Variants in CLTCL1 observed in about 807,000 individuals in gnomAD.
CLTCL1 encodes clathrin heavy chain like 1.
CLTCL1 carries 159 observed loss-of-function variants against 190.0 expected under a neutral mutation model. The observed-to-expected ratio is 0.84, with a 90% CI of 0.74 to 0.95. The LOEUF is 0.95. CLTCL1 is among the 40% of genes least tolerant of loss of function. CLTCL1 has a pLI of 0.00. For missense variants in CLTCL1, 1,878 were observed against 2,033.4 expected (o/e 0.92, Z 1.47); for synonymous variants, 752 against 769.6 (o/e 0.98, Z 0.38).
At chr22:19,207,887 A>C in intron 22 of CLTCL1, 1 of 637,344 alleles carries the variant, frequency 1.6e-6, no homozygotes, top group Non-Finnish European at 2.8e-6. Flanking sequence ...GCAGGAAAAT[A>C]AACTCAGGGC....
chr22:19,220,592 C>T (rs868930014), intron 17 of CLTCL1, among the ~76,000 whole-genome samples: 25 of 152,212 alleles, frequency 1.6e-4, no homozygotes, highest in African/African-American at 5.3e-4. Flanking sequence ...AATGTTCTAG[C>T]GTGTGCAGCA....
chr22:19,275,369 T>C (rs941307313), intron 2 of CLTCL1, among the ~76,000 whole-genome samples: 2 of 151,450 alleles, frequency 1.3e-5, no homozygotes, highest in African/African-American at 4.9e-5. Flanking sequence ...CCTAGTCGCA[T>C]GAAGACAAAG....
intron 10 of CLTCL1, among the ~76,000 whole-genome samples, chr22:19,231,386 GC>G (rs1427273315): frequency 1.3e-5 from 2 of 152,128 alleles, no homozygotes; most frequent in Non-Finnish European, 1.5e-5. Context: ...ACCATGCCTG[GC>G]TAACTTTTAA....
intron 1 of CLTCL1, among the ~76,000 whole-genome samples, chr22:19,276,698 C>CT (rs1479109462): frequency 1.3e-5 from 2 of 152,174 alleles, no homozygotes; most frequent in Non-Finnish European, 2.9e-5. Flanking sequence ...GAGCCGGAGT[C>CT]TCGCTCTGTT....
In CLTCL1 at chr22:19,235,692, A is replaced by G; in HGVS notation, c.969+4T>C. The G allele has an allele frequency of 6.2e-7, 1 of 1,610,778 alleles. No individual in the cohort carries two copies. Among genetic ancestry groups the G allele is most frequent in the Non-Finnish European group, 8.5e-7 (1 of 1,178,392 alleles). On this transcript the variant is annotated splice_donor_region_variant and intron_variant, in intron 6 of 32. Coordinates refer to ENST00000427926, the MANE Select transcript of CLTCL1 (RefSeq NM_007098.4). Reference sequence around the variant, plus strand: ...GTAGAAAATGAAATGTCAGAGTTACACACCTGTCCCTTTTTGTTGACACCA... The same window carrying G: ...GTAGAAAATGAAATGTCAGAGTTACGCACCTGTCCCTTTTTGTTGACACCA...
chr22:19,261,692 T>A (rs565823221), intron 2 of CLTCL1, among the ~76,000 whole-genome samples: 1 of 152,296 alleles, frequency 6.6e-6, no homozygotes, highest in South Asian at 2.1e-4. Flanking sequence ...AGCCTGAAGA[T>A]GGGACTGAAT....
At chr22:19,241,640 C>T (rs542113772) in intron 4 of CLTCL1, among the ~76,000 whole-genome samples, 2 of 152,334 alleles carry the variant, frequency 1.3e-5, no homozygotes, top group Admixed American at 6.5e-5. Flanking sequence ...TTTCACAAGA[C>T]GACTGTCTTG....
At position 19,275,656 on chromosome 22, in the gene CLTCL1, T is replaced by C. The variant is rs2087475551; in HGVS notation, c.217A>G (p.Met73Val). 6.2e-7 allele frequency: 1 copy of C among 1,606,772 alleles called. No individual in the cohort carries two copies. The highest frequency in any genetic ancestry group is 8.5e-7 in the Non-Finnish European group (1 of 1,176,552). ...RRPISAESAI[M>V]NPASKVIALK... ...GCTATCACCTTAGAGGCTGGATTCATGATGGCACTCTCTGCAGAGATAGGC... is the reference window on the plus strand; with the variant it reads ...GCTATCACCTTAGAGGCTGGATTCACGATGGCACTCTCTGCAGAGATAGGC... The change falls in exon 2 of 33, where the codon ATG (methionine) becomes GTG (valine). Residue 73 changes from methionine (M) to valine (V), a missense_variant. Transcript: ENST00000427926.
chr22:19,204,154 C>T (rs2084980515), intron 22 of CLTCL1, among the ~76,000 whole-genome samples: 1 of 152,198 alleles, frequency 6.6e-6, no homozygotes, highest in Non-Finnish European at 1.5e-5. Context: ...GATCATTTTC[C>T]TCCTCTGCTC....
chr22:19,188,439 C>T (rs1475988094), intron 27 of CLTCL1, among the ~76,000 whole-genome samples: 1 of 152,172 alleles, frequency 6.6e-6, no homozygotes, highest in Non-Finnish European at 1.5e-5. Flanking sequence ...TCTACAAAAA[C>T]ACAGTACACA....
rs2085739186 is a variant in CLTCL1 at position 19,226,212 on chromosome 22, A to G, written c.1947+7T>C. On this transcript the variant is annotated splice_region_variant and intron_variant, in intron 12 of 32. Coordinates refer to ENST00000427926, the MANE Select transcript of CLTCL1 (RefSeq NM_007098.4). ...CCATAATAGGAGTGCCCAGGGGTAC[A>G]CAGTACCTCGGGATTGAGGAGGTGA... is the stretch of plus-strand genomic sequence containing the variant. 6.2e-7 allele frequency: 1 copy of G among 1,613,074 alleles called. No homozygotes were observed. The highest frequency in any genetic ancestry group is 1.3e-5 in the African/African-American group (1 of 74,920).
chr22:19,224,550 A>G (rs563602518), intron 13 of CLTCL1, among the ~76,000 whole-genome samples: 1 of 152,182 alleles, frequency 6.6e-6, no homozygotes, highest in South Asian at 2.1e-4. Flanking sequence ...GTTCCTCATC[A>G]TTACAGAGGC....
chr22:19,221,400 G>A lies in CLTCL1; in HGVS notation c.2773C>T (p.Gln925Ter). Residue 925 changes from glutamine to a stop codon, truncating the protein, a stop_gained, in exon 17 of 33, where the codon CAG becomes TAG. Coordinates refer to ENST00000427926, the MANE Select transcript of CLTCL1 (RefSeq NM_007098.4). LOFTEE classifies it high-confidence loss of function. ...HLACVAYERG[Q>*]CDLELIKVCN... is the part of the protein sequence containing the mutation. ...ACCTTGATGAGCTCAAGGTCACACT[G>A]CCCCCGCTCATAGGCAACACAGGCC... 6.4e-7 allele frequency: 1 copy of A among 1,554,194 alleles called. No individual in the cohort carries two copies. Among genetic ancestry groups the A allele is most frequent in the South Asian group, 1.2e-5 (1 of 84,190 alleles).
intron 22 of CLTCL1, among the ~76,000 whole-genome samples, chr22:19,205,019 G>C (rs565094760): frequency 2.1e-4 from 32 of 152,202 alleles, no homozygotes; most frequent in African/African-American, 7.2e-4. Flanking sequence ...TTGGGGGCAA[G>C]GCTTTGTTTT....
intron 2 of CLTCL1, among the ~76,000 whole-genome samples, chr22:19,268,210 G>A (rs1329253407): frequency 1.3e-5 from 2 of 152,198 alleles, no homozygotes; most frequent in Admixed American, 6.5e-5. Flanking sequence ...CCCTCCAGAG[G>A]ATGCAGCAAC....
rs540726040 is a variant in CLTCL1, at chr22:19,181,166, G to T, written c.4828-360C>A. ...GCCACTTACCGACCTGCAGGGCTGG[G>T]GCCATGTGCAGGGAACACTGTCTGC... On this transcript the variant is annotated intron_variant, in intron 30 of 32. Coordinates refer to ENST00000427926, the MANE Select transcript of CLTCL1 (RefSeq NM_007098.4). The T allele has an allele frequency of 5.0e-4, 134 of 267,452 alleles. 2 individuals carry two copies. The highest frequency in any genetic ancestry group is 4.6e-3 in the South Asian group (65 of 14,036). 16.6% of individuals were successfully genotyped at this position (267,452 alleles called of 1,614,324 possible).
chr22:19,239,208 T>G, intron 5 of CLTCL1, 67 bp downstream of exon 5: 2 of 1,255,178 alleles, frequency 1.6e-6, no homozygotes, highest in Admixed American at 3.4e-5. Flanking sequence ...GGCAGCCTCC[T>G]GTATCTTGGG....
chr22:19,180,107 A>G (rs1210040043), intron 32 of CLTCL1, 92 bp downstream of exon 32: 2 of 1,141,752 alleles, frequency 1.8e-6, no homozygotes, highest in Non-Finnish European at 2.6e-6. Context: ...TGAGGCCCCA[A>G]GAGAGCAGGC....
chr22:19,254,898 T>C (rs1481133805), intron 2 of CLTCL1, among the ~76,000 whole-genome samples: 1 of 152,210 alleles, frequency 6.6e-6, no homozygotes, highest in Non-Finnish European at 1.5e-5. Flanking sequence ...GACAAAATAT[T>C]TGGCATCCAT....
Sources: gnomAD v4.1 joint callset for allele counts (sites outside exome capture counted in the v4.1 genomes callset) on GRCh38, gnomAD v4.1.1 for gene constraint, MANE v1.5 for transcripts, NCBI Gene and HGNC (gene_info 2026-07-23, HGNC 2026-07-21) for gene names.